Variants in FOLH1 observed in about 807,000 individuals in gnomAD.
FOLH1 encodes the protein glutamate carboxypeptidase 2.
A neutral mutation model predicts 93.9 loss-of-function variants in FOLH1; 54 were observed. The ratio of observed to expected loss-of-function variants is 0.57; its 90% confidence interval spans 0.46 to 0.72. FOLH1 has a LOEUF of 0.72. Among genes scored for constraint, FOLH1 ranks in the 30% least tolerant of loss-of-function variants. The pLI, the probability that FOLH1 is intolerant of heterozygous loss-of-function variation, is 0.00. For missense variants in FOLH1, 571 were observed against 892.5 expected (o/e 0.64, Z 4.59); for synonymous variants, 249 against 303.6 (o/e 0.82, Z 1.87).
At chr11:49,181,384 A>G (rs961200828) in intron 7 of FOLH1, among the ~76,000 whole-genome samples, 3 of 152,058 alleles carry the variant, frequency 2.0e-5, no homozygotes, top group African/African-American at 7.2e-5. Context: ...TGCTGGGATT[A>G]CAAGTGTGAG....
intron 4 of FOLH1, among the ~76,000 whole-genome samples, chr11:49,190,949 A>G (rs919362875): frequency 2.0e-5 from 3 of 152,248 alleles, no homozygotes; most frequent in African/African-American, 7.2e-5. Context: ...GATCTATTGA[A>G]GAAGCTGAAG....
chr11:49,170,416 G>T (rs897639441), intron 11 of FOLH1, among the ~76,000 whole-genome samples: 12 of 152,070 alleles, frequency 7.9e-5, no homozygotes, highest in African/African-American at 2.7e-4. Flanking sequence ...GGAGTTTGAG[G>T]CCAGCCTGGC....
At chr11:49,202,977 G>A (rs1407083615) in intron 2 of FOLH1, among the ~76,000 whole-genome samples, 3 of 152,216 alleles carry the variant, frequency 2.0e-5, no homozygotes, top group Non-Finnish European at 4.4e-5. Context: ...ATCTATGAAT[G>A]GATTTTTGCT....
intron 5 of FOLH1, 157 bp from the exon 6 acceptor site, chr11:49,186,012 C>T: frequency 1.1e-5 from 12 of 1,070,860 alleles, no homozygotes; most frequent in Non-Finnish European, 1.5e-5. Context: ...TAGAATTTCC[C>T]TTTTCTTTTT....
At chr11:49,165,893 T>C (rs1287020389) in intron 12 of FOLH1, among the ~76,000 whole-genome samples, 2 of 152,200 alleles carry the variant, frequency 1.3e-5, no homozygotes, top group Admixed American at 6.5e-5. Context: ...GAAGTGCTTA[T>C]AAGAGTGGAA....
chr11:49,163,354 T>C (rs1857946825), intron 13 of FOLH1, among the ~76,000 whole-genome samples: 1 of 152,144 alleles, frequency 6.6e-6, no homozygotes, highest in Non-Finnish European at 1.5e-5. Context: ...TAAGGAAGTC[T>C]GGCCACGTTT....
intron 17 of FOLH1, among the ~76,000 whole-genome samples, chr11:49,152,111 C>T (rs972956697): frequency 1.3e-5 from 2 of 151,900 alleles, no homozygotes; most frequent in African/African-American, 4.8e-5. Context: ...TGTTGTATTT[C>T]TAATAATCCA....
intron 7 of FOLH1, among the ~76,000 whole-genome samples, chr11:49,177,067 G>A (rs1860140840): frequency 6.6e-6 from 1 of 152,174 alleles, no homozygotes; most frequent in Admixed American, 6.5e-5. Flanking sequence ...CTGTCTACCT[G>A]TTTGAGGAAA....
chr11:49,178,416 T>A (rs551131852), intron 7 of FOLH1, among the ~76,000 whole-genome samples: 3 of 152,194 alleles, frequency 2.0e-5, no homozygotes, highest in Non-Finnish European at 4.4e-5. Flanking sequence ...TATTTCCTTT[T>A]CAGAATAAAA....
In FOLH1 at chr11:49,207,628, A is replaced by T. The variant is rs1171894162; in HGVS notation, c.118+664T>A. The stretch of plus-strand genomic sequence containing the variant: ...TTTACATGCTATATTATTTACTATT[A>T]CCAATAATTTGCAGATAATATTATC... On this transcript the variant is annotated intron_variant, in intron 1 of 18. Coordinates refer to ENST00000256999, the MANE Select transcript of FOLH1 (RefSeq NM_004476.3). 3.4e-5 allele frequency: 11 copies of T among 323,222 alleles called. No homozygotes were observed. In the East Asian group the frequency reaches 8.7e-4, roughly 26 times the overall value. The allele number at this position is 323,222 out of a possible 1,614,324, so 20.0% of individuals were successfully genotyped here. A position where few individuals can be genotyped will look rare whatever the true frequency, so the allele number is the denominator to read the frequency against.
chr11:49,165,170 A>G (rs1396990010), intron 12 of FOLH1, among the ~76,000 whole-genome samples: 1 of 151,998 alleles, frequency 6.6e-6, no homozygotes, highest in Non-Finnish European at 1.5e-5. Context: ...TTACCCCCTA[A>G]TTTTAGCCAC....
chr11:49,178,775 G>A (rs664584), intron 7 of FOLH1, among the ~76,000 whole-genome samples: 50,643 of 151,956 alleles, frequency 0.33, 10,073 homozygotes, highest in African/African-American at 0.56. Context: ...AAATGTCTCC[G>A]AACATATTTG....
At chr11:49,156,038 A>C (rs1856998202) in intron 15 of FOLH1, among the ~76,000 whole-genome samples, 1 of 151,522 alleles carries the variant, frequency 6.6e-6, no homozygotes, top group Non-Finnish European at 1.5e-5. Context: ...AATAAGTCTC[A>C]TGTGAGCTGA....
At chr11:49,187,887 TCTC>T (rs1861595265) in intron 4 of FOLH1, among the ~76,000 whole-genome samples, 1 of 152,210 alleles carries the variant, frequency 6.6e-6, no homozygotes, top group South Asian at 2.1e-4. Flanking sequence ...GACCTGGACA[TCTC>T]AGTCTAACGT....
chr11:49,148,605 T>C, intron 18 of FOLH1, 34 bp downstream of exon 18: 1 of 1,414,850 alleles, frequency 7.1e-7, no homozygotes, highest in South Asian at 1.3e-5. Context: ...GAAAAAGTGA[T>C]ATTACAGAAA....
At chr11:49,201,587 G>A (rs1305153591) in intron 2 of FOLH1, among the ~76,000 whole-genome samples, 1 of 151,884 alleles carries the variant, frequency 6.6e-6, no homozygotes, top group East Asian at 1.9e-4. Flanking sequence ...TAAATGTTTA[G>A]GGGCAAAATA....
At chr11:49,160,535 C>T (rs1290703401) in intron 13 of FOLH1, among the ~76,000 whole-genome samples, 3 of 151,950 alleles carry the variant, frequency 2.0e-5, no homozygotes, top group South Asian at 2.1e-4. Context: ...CTCCACCTCC[C>T]GGGTTCAAGC....
At chr11:49,182,594 A>G (rs1860895117) in intron 7 of FOLH1, among the ~76,000 whole-genome samples, 2 of 152,356 alleles carry the variant, frequency 1.3e-5, no homozygotes, top group Admixed American at 6.5e-5. Context: ...AGGGAAAAGC[A>G]TGTGTGGAAA....
chr11:49,155,028 C>T (rs1402418442), intron 15 of FOLH1, among the ~76,000 whole-genome samples: 1 of 151,884 alleles, frequency 6.6e-6, no homozygotes, highest in Non-Finnish European at 1.5e-5. Flanking sequence ...AGAAGGGAGG[C>T]CCAGACAGGT....
Sources: allele counts gnomAD v4.1 joint callset (sites outside exome capture counted in the v4.1 genomes callset), GRCh38; gene constraint gnomAD v4.1.1; transcripts MANE v1.5; gene names NCBI Gene and HGNC (gene_info 2026-07-23, HGNC 2026-07-21).